The following ELOVL6 variants were observed in gnomAD, a reference collection of about 807,000 sequenced individuals.
The protein encoded by ELOVL6 is very long chain fatty acid elongase 6.
Under a neutral mutation model 31.7 loss-of-function variants are expected in ELOVL6, and 8 were observed. That is an observed-to-expected ratio of 0.25 (90% CI 0.15 to 0.45). The LOEUF (loss-of-function observed/expected upper bound fraction) is 0.45. ELOVL6 is among the 20% of genes least tolerant of loss of function. The pLI is 1.00. For synonymous variants in ELOVL6, 101 were observed against 117.7 expected (o/e 0.86, Z 0.92); for missense variants, 126 against 326.4 (o/e 0.39, Z 4.73).
Position 110,185,379 on chromosome 4 carries a change from T to C in ELOVL6, c.89+12868A>G, listed in dbSNP as rs148503752. Among the ~76,000 whole-genome samples, 851 of 152,314 alleles carry C rather than the reference T, an allele frequency of 5.6e-3. 40 individuals carry two copies. The highest frequency in any genetic ancestry group is 0.052 in the Admixed American group (788 of 15,288). ...CCAAAGCAATGAGTTGCAGCCGTTT[T>C]AGCAGAATATGTAATTAGAACCCCA... On this transcript the variant is annotated intron_variant, in intron 1 of 3. Coordinates refer to ENST00000302274, the MANE Select transcript of ELOVL6 (RefSeq NM_024090.3).
At position 110,084,084 on chromosome 4, in the gene ELOVL6, G is replaced by GATATATAACATATATATGATATATATGAT. The variant is rs1560813879; in HGVS notation, c.221+21384_221+21412dup. Among the ~76,000 whole-genome samples, 480 of 77,646 alleles carry GATATATAACATATATATGATATATATGAT rather than the reference G, an allele frequency of 6.2e-3. 76 individuals carry two copies. The highest frequency in any genetic ancestry group is 0.021 in the African/African-American group (429 of 20,388). The allele number at this position is 77,646 out of a possible 152,430, so 50.9% of individuals were successfully genotyped here. On this transcript the variant is annotated intron_variant, in intron 2 of 3. Coordinates refer to ENST00000302274, the MANE Select transcript of ELOVL6 (RefSeq NM_024090.3). The stretch of plus-strand genomic sequence containing the variant: ...TATATAACATATATATGCTATATAT[G>GATATATAACATATATATGATATATATGAT]ATATATAACATATATATGATATATA...
intron 1 of ELOVL6, among the ~76,000 whole-genome samples, chr4:110,164,834 G>A (rs1758726588): frequency 6.6e-6 from 1 of 151,348 alleles, no homozygotes; most frequent in African/African-American, 2.4e-5. Context: ...AGAATTTCTT[G>A]TTTTGGGGAA....
intron 1 of ELOVL6, among the ~76,000 whole-genome samples, chr4:110,173,018 T>C (rs1346000254): frequency 6.6e-6 from 1 of 152,194 alleles, no homozygotes; most frequent in Non-Finnish European, 1.5e-5. Context: ...ACCTTCCCAT[T>C]TGTCTTGTGC....
At chr4:110,110,375 T>TA (rs5860997) in intron 1 of ELOVL6, among the ~76,000 whole-genome samples, 1 of 146,984 alleles carries the variant, frequency 6.8e-6, no homozygotes, top group South Asian at 2.1e-4. Context: ...TTTTTTACGT[T>TA]AAAAAAAATG....
intron 1 of ELOVL6, among the ~76,000 whole-genome samples, chr4:110,140,091 A>G (rs1757912460): frequency 1.3e-5 from 2 of 152,224 alleles, no homozygotes; most frequent in African/African-American, 4.8e-5. Flanking sequence ...CGCTGGCTTT[A>G]CAGTCCTTTA....
chr4:110,188,723 T>C (rs141278322), intron 1 of ELOVL6, among the ~76,000 whole-genome samples: 2,100 of 151,666 alleles, frequency 0.014, 49 homozygotes, highest in African/African-American at 0.048. Context: ...ACCCCATCTC[T>C]ACTAAATATA....
intron 1 of ELOVL6, among the ~76,000 whole-genome samples, chr4:110,168,777 A>G (rs1330455166): frequency 6.6e-6 from 1 of 152,094 alleles, no homozygotes. Context: ...CACTCTGCCA[A>G]TCACCAGGTG....
At chr4:110,150,798 T>G (rs1293701566) in intron 1 of ELOVL6, among the ~76,000 whole-genome samples, 1 of 152,200 alleles carries the variant, frequency 6.6e-6, no homozygotes, top group East Asian at 1.9e-4. Context: ...GTCCCAGCAC[T>G]TTGGGAAGCC....
chr4:110,101,496 T>C (rs1441515634), intron 2 of ELOVL6, among the ~76,000 whole-genome samples: 1 of 152,092 alleles, frequency 6.6e-6, no homozygotes, highest in Non-Finnish European at 1.5e-5. Context: ...ATGTGTTAAA[T>C]GCAGAAAAAC....
chr4:110,187,908 A>G (rs1228779425), intron 1 of ELOVL6, among the ~76,000 whole-genome samples: 1 of 152,176 alleles, frequency 6.6e-6, no homozygotes, highest in African/African-American at 2.4e-5. Flanking sequence ...CGACATCTTT[A>G]TACTTCTTAA....
At chr4:110,081,897 G>GA (rs1274563526) in intron 2 of ELOVL6, among the ~76,000 whole-genome samples, 1 of 150,454 alleles carries the variant, frequency 6.6e-6, no homozygotes, top group Admixed American at 6.6e-5. Context: ...AAATTTACAA[G>GA]AAAAAAACAA....
intron 2 of ELOVL6, among the ~76,000 whole-genome samples, chr4:110,083,753 A>G (rs1425014692): frequency 4.6e-5 from 7 of 150,644 alleles, no homozygotes; most frequent in Non-Finnish European, 1.5e-5. Flanking sequence ...TGTGTCCCGC[A>G]TTTCCAAAGA....
chr4:110,143,926 T>A (rs2126262614), intron 1 of ELOVL6, among the ~76,000 whole-genome samples: 1 of 151,744 alleles, frequency 6.6e-6, no homozygotes, highest in South Asian at 2.1e-4. Context: ...ATAGTGGCAA[T>A]GTCTGTAATC....
rs1397402675 is a variant in ELOVL6, at chr4:110,196,489, C to T, written c.89+1758G>A. 3.9e-5 allele frequency among the ~76,000 whole-genome samples: 6 copies of T among 152,192 alleles called. No individual in the cohort carries two copies. The South Asian group carries it at 6.2e-4, about 16-fold the overall frequency. ...AGGAAGTGCATCCAGAGAAGGACCC[C>T]GGGCGGTGGGGCTCGAGGGGCCTCG... On this transcript the variant is annotated intron_variant, in intron 1 of 3. Coordinates refer to ENST00000302274, the MANE Select transcript of ELOVL6 (RefSeq NM_024090.3).
chr4:110,149,669 G>C (rs1758228144), intron 1 of ELOVL6, among the ~76,000 whole-genome samples: 1 of 152,148 alleles, frequency 6.6e-6, no homozygotes, highest in Admixed American at 6.5e-5. Context: ...GAAGTGTGTT[G>C]CTCCACTGAT....
chr4:110,166,832 C>A (rs569277407), intron 1 of ELOVL6, among the ~76,000 whole-genome samples: 1 of 152,150 alleles, frequency 6.6e-6, no homozygotes, highest in Non-Finnish European at 1.5e-5. Flanking sequence ...TTCTAAATTT[C>A]TTAGCACATA....
chr4:110,120,363 A>AAG (rs1423126670), intron 1 of ELOVL6, among the ~76,000 whole-genome samples: 4 of 151,740 alleles, frequency 2.6e-5, no homozygotes, highest in Non-Finnish European at 5.9e-5. Context: ...TAAAAAAAAA[A>AAG]AAAGATTTGG....
chr4:110,072,714 C>T (rs1755528103), intron 2 of ELOVL6, among the ~76,000 whole-genome samples: 1 of 152,174 alleles, frequency 6.6e-6, no homozygotes, highest in African/African-American at 2.4e-5. Context: ...GTGGCCAGTT[C>T]AGCAGCTCTT....
chr4:110,122,704 G>A (rs1475473087), intron 1 of ELOVL6, among the ~76,000 whole-genome samples: 1 of 152,166 alleles, frequency 6.6e-6, no homozygotes, highest in African/African-American at 2.4e-5. Flanking sequence ...TGGTTCAAAT[G>A]GTTTCACCTC....
Sources: allele counts gnomAD v4.1 joint callset (sites outside exome capture counted in the v4.1 genomes callset), GRCh38; gene constraint gnomAD v4.1.1; transcripts MANE v1.5; gene names NCBI Gene and HGNC (gene_info 2026-07-23, HGNC 2026-07-21).